SPEG: variants seen among roughly 807,000 people sequenced by gnomAD.
SPEG encodes striated muscle enriched protein kinase.
SPEG carries 114 observed loss-of-function variants against 300.4 expected under a neutral mutation model. The observed-to-expected ratio is 0.38, with a 90% confidence interval of 0.33 to 0.44. The LOEUF (loss-of-function observed/expected upper bound fraction) is 0.44. Among genes scored for constraint, SPEG ranks in the 20% least tolerant of loss-of-function variants. The probability of loss-of-function intolerance (pLI) is 1.00; values close to 1 mark genes in which losing one functional copy is unlikely to be tolerated. For synonymous variants in SPEG, 1,964 were observed against 2,018.9 expected (o/e 0.97, Z 0.73); for missense variants, 4,201 against 4,586.2 (o/e 0.92, Z 2.43).
At position 219,473,739 on chromosome 2, in the gene SPEG, C is replaced by A. The variant is rs1375424532; in HGVS notation, c.4283C>A (p.Ala1428Asp). 16 of 1,612,974 alleles carry A rather than the reference C, an allele frequency of 9.9e-6. No individual in the cohort carries two copies. Among genetic ancestry groups the A allele is most frequent in the Middle Eastern group, 1.7e-4 (1 of 6,058 alleles). Reference sequence around the variant, plus strand: ...CATGTGTCCCCTAGCTGCCGAGGGGCCCTCCTAGAGGCACGGGCCGGTGTG... The same window carrying A: ...CATGTGTCCCCTAGCTGCCGAGGGGACCTCCTAGAGGCACGGGCCGGTGTG... ...AQVVWRSCRG[A>D]LLEARAGVYE... Residue 1428 changes from alanine to aspartate, a missense_variant, in exon 18 of 41, where the codon GCC (alanine) becomes GAC (aspartate). By Grantham distance (126) the Ala-to-Asp change is moderately radical. Coordinates refer to ENST00000312358, the MANE Select transcript of SPEG (RefSeq NM_005876.5). The surrounding 1 kb of genome is among the most constrained non-coding windows in gnomAD (Gnocchi z 4.6).
chr2:219,460,465 G>A (rs1393314276), intron 6 of SPEG: 2 of 985,314 alleles, frequency 2.0e-6, no homozygotes, highest in East Asian at 1.1e-4. Flanking sequence ...AATGGGTCAG[G>A]GCAAGTGTCC....
Position 219,477,313 on chromosome 2 carries a change from T to C in SPEG, c.4597T>C (p.Phe1533Leu), listed in dbSNP as rs1383489936. The C allele has an allele frequency of 6.2e-7, 1 of 1,613,184 alleles. No individual in the cohort carries two copies. Among genetic ancestry groups the C allele is most frequent in the East Asian group, 2.2e-5 (1 of 44,832 alleles). The change falls in exon 20 of 41, where the codon TTC (phenylalanine) becomes CTC (leucine). Residue 1533 changes from phenylalanine to leucine, a missense_variant. Transcript: ENST00000312358. The surrounding 1 kb of genome is among the most constrained non-coding windows in gnomAD (Gnocchi z 6.4). The part of the protein sequence containing the change: ...VLLTESSHVS[F>L]VYEENECSLV... ...GCTGACCGAGAGCAGCCATGTGAGC[T>C]TCGTGTACGAGGAGAATGAGTGCTC... is the stretch of plus-strand genomic sequence containing the variant.
chr2:219,463,794 A>C (rs1690983526), intron 8 of SPEG, among the ~76,000 whole-genome samples: 1 of 152,088 alleles, frequency 6.6e-6, no homozygotes, highest in Admixed American at 6.6e-5. Context: ...TAAATAAATA[A>C]AAATAAGACA....
chr2:219,448,222 G>A lies in SPEG; in HGVS notation c.1064G>A (p.Gly355Glu). 6.2e-7 allele frequency: 1 copy of A among 1,612,536 alleles called. No homozygotes were observed. Among genetic ancestry groups the A allele is most frequent in the Non-Finnish European group, 8.5e-7 (1 of 1,179,638 alleles). Residue 355 changes from glycine (G) to glutamate (E), a missense_variant, in exon 4 of 41, where the codon GGG becomes GAG. This residue lies in a region of SPEG where 1,258 missense variants were observed against 1,293.9 expected (regional missense o/e 0.97). Coordinates refer to ENST00000312358, the MANE Select transcript of SPEG (RefSeq NM_005876.5). ...PEDTTTEEKRGKKSKSSGPSL... is the reference protein window; with the variant it reads ...PEDTTTEEKREKKSKSSGPSL... ...GACACCACCACCGAAGAGAAGCGAG[G>A]GAAGAAGTCCAAGTCGTCCGGGCCC...
Position 219,451,003 on chromosome 2 carries a change from C to T in SPEG, c.2114-133C>T, listed in dbSNP as rs1689703087. 4.4e-6 allele frequency: 4 copies of T among 905,236 alleles called. No individual in the cohort carries two copies. Among genetic ancestry groups the T allele is most frequent in the Admixed American group, 2.8e-5 (1 of 35,380 alleles). 56.1% of individuals were successfully genotyped at this position (905,236 alleles called of 1,614,324 possible). On this transcript the variant is annotated intron_variant, in intron 4 of 40. Transcript: ENST00000312358. This position sits in a 1 kb window ranked among gnomAD's most constrained non-coding sequence, Gnocchi z 6.4. ...ATTCAGGAGGCAGACCCTCTTCTCCCCAAGTCCCTGCTTTCTAGAAGCCCC... is the reference window on the plus strand; with the variant it reads ...ATTCAGGAGGCAGACCCTCTTCTCCTCAAGTCCCTGCTTTCTAGAAGCCCC...
At chr2:219,454,485 C>T (rs1314091376) in intron 6 of SPEG, among the ~76,000 whole-genome samples, 1 of 152,214 alleles carries the variant, frequency 6.6e-6, no homozygotes, top group Non-Finnish European at 1.5e-5. Flanking sequence ...GTGCCAAGTG[C>T]TACAGCTCTC....
Position 219,464,634 on chromosome 2 carries a change from G to A in SPEG, c.2881+26G>A, listed in dbSNP as rs764825278. On this transcript the variant is annotated intron_variant, in intron 9 of 40. Transcript: ENST00000312358. This position sits in a 1 kb window ranked among gnomAD's most constrained non-coding sequence, Gnocchi z 4.5. ...GTGAGTACCTGATTTCTCCATGAAT[G>A]CCCACCTGGCCCTGGCCCCTTCCTT... 6.2e-6 allele frequency: 10 copies of A among 1,606,024 alleles called. No individual in the cohort carries two copies. In the East Asian group the frequency reaches 6.7e-5, roughly 11 times the overall value.
chr2:219,450,542 T>G (rs1689664514), intron 4 of SPEG: 1 of 152,278 alleles, frequency 6.6e-6, no homozygotes, highest in Non-Finnish European at 1.5e-5. Context: ...TCTAGTGTTC[T>G]TGGTACCCAT....
At chr2:219,441,884 G>A (rs1688939698) in intron 1 of SPEG, 1 of 213,136 alleles carries the variant, frequency 4.7e-6, no homozygotes, top group Non-Finnish European at 9.2e-6. Flanking sequence ...TGCTGCCGCC[G>A]CCGTCGCCGC....
chr2:219,468,767 C>G (rs771066289), intron 11 of SPEG, 31 bp downstream of exon 11: 1 of 1,610,898 alleles, frequency 6.2e-7, no homozygotes, highest in Admixed American at 1.7e-5. Flanking sequence ...GTGTTGAGGG[C>G]CCCCCCAAGG....
chr2:219,472,022 C>A, intron 14 of SPEG, 35 bp downstream of exon 14: 2 of 1,605,516 alleles, frequency 1.2e-6, no homozygotes, highest in Non-Finnish European at 1.7e-6. Context: ...GCTGCACGCA[C>A]AGCCTGGCCT....
At chr2:219,452,491 T>G (rs1391198455) in intron 6 of SPEG, among the ~76,000 whole-genome samples, 1 of 152,144 alleles carries the variant, frequency 6.6e-6, no homozygotes, top group Non-Finnish European at 1.5e-5. Flanking sequence ...GGCCTGACAA[T>G]GCACTGACCC....
Position 219,443,177 on chromosome 2 carries a change from C to T in SPEG, c.389-1476C>T. ...TGCGTGGACCGTGGGCGTCCTTGCT[C>T]TAGCCCATGCCTACTCCTCCTCTTG... On this transcript the variant is annotated intron_variant, in intron 1 of 40. Coordinates refer to ENST00000312358, the MANE Select transcript of SPEG (RefSeq NM_005876.5). This position sits in a 1 kb window ranked among gnomAD's most constrained non-coding sequence, Gnocchi z 4.6. 1 of 1,610,620 alleles carries T rather than the reference C, an allele frequency of 6.2e-7. No individual in the cohort carries two copies. The highest frequency in any genetic ancestry group is 8.5e-7 in the Non-Finnish European group (1 of 1,177,854).
chr2:219,435,078 G>T lies in SPEG; in HGVS notation c.101G>T (p.Gly34Val). The T allele has an allele frequency of 2.0e-6, 3 of 1,469,466 alleles. No individual in the cohort carries two copies. Among genetic ancestry groups the T allele is most frequent in the Non-Finnish European group, 2.7e-6 (3 of 1,120,256 alleles). The allele number at this position is 1,469,466 out of a possible 1,614,324, so 91.0% of individuals were successfully genotyped here. A position where few individuals can be genotyped will look rare whatever the true frequency, so the allele number is the denominator to read the frequency against. ...AGGGCCAAGGTGGGGGCCGGCGGCG[G>T]GGCTCCTGTGGCCGTGGCCGGGGCG... ...PKRAKVGAGG[G>V]APVAVAGAPV... Residue 34 changes from glycine (G) to valine (V), a missense_variant, in exon 1 of 41, where the codon GGG (glycine) becomes GTG (valine). Physicochemically the swap from Gly to Val is moderately radical, Grantham distance 109. Transcript: ENST00000312358.
rs140726278 is a variant in SPEG, at chr2:219,479,936, C to T, written c.5164-26C>T. 1.7e-5 allele frequency: 28 copies of T among 1,614,118 alleles called. No homozygotes were observed. In the East Asian group the frequency reaches 2.5e-4, roughly 14 times the overall value. ...AGCATCCTTCCTTGTTCATTTGGCC[C>T]GCACACCTCGCCTTGTGTCTTCCAG... is the stretch of plus-strand genomic sequence containing the variant. On this transcript the variant is annotated intron_variant, in intron 24 of 40. Coordinates refer to ENST00000312358, the MANE Select transcript of SPEG (RefSeq NM_005876.5). This position sits in a 1 kb window ranked among gnomAD's most constrained non-coding sequence, Gnocchi z 5.5.
intron 1 of SPEG, among the ~76,000 whole-genome samples, chr2:219,438,740 T>C (rs1306907324): frequency 6.6e-6 from 1 of 152,102 alleles, no homozygotes; most frequent in Non-Finnish European, 1.5e-5. Flanking sequence ...TGGAGCTTCA[T>C]AGCTAGGGTC....
rs1693899433 is a variant in SPEG at position 219,490,750 on chromosome 2, A to T, written c.9179A>T (p.Asp3060Val). ...CCTCCCAGGTTCCGGTATTCTGAGG[A>T]TGACGTGGCCACTTACATGGTGCAG... The part of the protein sequence containing the change: ...GLSDRFRYSE[D>V]DVATYMVQLL... Residue 3060 changes from aspartate (D) to valine (V), a missense_variant, in exon 38 of 41, where the codon GAT becomes GTT. Around this residue, in one of 4 missense-constraint regions of SPEG, gnomAD observed 318 missense variants for 429.5 expected, o/e 0.74. Coordinates refer to ENST00000312358, the MANE Select transcript of SPEG (RefSeq NM_005876.5). 1 of 1,613,934 alleles carries T rather than the reference A, an allele frequency of 6.2e-7. No individual in the cohort carries two copies. Among genetic ancestry groups the T allele is most frequent in the Non-Finnish European group, 8.5e-7 (1 of 1,180,012 alleles).
chr2:219,442,214 G>A (rs1159542118), intron 1 of SPEG: 2 of 533,854 alleles, frequency 3.7e-6, no homozygotes, highest in Non-Finnish European at 5.3e-6. Context: ...CCCGAGCCCC[G>A]CCGAGGGCGG....
chr2:219,469,948 G>A (rs1203732433), intron 13 of SPEG, among the ~76,000 whole-genome samples: 2 of 152,150 alleles, frequency 1.3e-5, no homozygotes, highest in African/African-American at 2.4e-5. Context: ...ACAGAGGAAC[G>A]TATTTGGGTT....
Sources: gnomAD v4.1 joint callset for allele counts (sites outside exome capture counted in the v4.1 genomes callset) on GRCh38, gnomAD v4.1.1 for gene constraint, gnomAD v4.1.1 regional missense constraint, Gnocchi (gnomAD v3.1) non-coding constraint, MANE v1.5 for transcripts, NCBI Gene and HGNC (gene_info 2026-07-23, HGNC 2026-07-21) for gene names.